The following ATXN1 variants were observed in gnomAD, a reference collection of about 807,000 sequenced individuals.
ATXN1 encodes the protein ataxin 1, also known as ataxin-1.
A neutral mutation model predicts 56.4 loss-of-function variants in ATXN1; 8 were observed. That is an observed-to-expected ratio of 0.14 (90% CI 0.08 to 0.26). The LOEUF is 0.26. Among genes scored for constraint, ATXN1 ranks in the 10% least tolerant of loss-of-function variants. ATXN1 has a pLI of 1.00. For missense variants in ATXN1, 987 were observed against 1,106.5 expected, an observed-to-expected ratio of 0.89 and a Z score of 1.53; for synonymous variants, 514 against 494.6, an observed-to-expected ratio of 1.04 and a Z score of -0.52.
intron 1 of ATXN1, 119 bp downstream of exon 1, chr6:16,761,179 G>A: frequency 2.7e-6 from 1 of 366,374 alleles, no homozygotes; most frequent in South Asian, 2.0e-5. Flanking sequence ...TTGTTTGCTG[G>A]TTGTTGCTTT....
intron 2 of ATXN1, among the ~76,000 whole-genome samples, chr6:16,731,697 T>G (rs1271307431): frequency 6.6e-6 from 1 of 152,026 alleles, no homozygotes; most frequent in East Asian, 1.9e-4. Flanking sequence ...CTCTGTATCA[T>G]GAAAAAGTAC....
rs1435104007 is a variant in ATXN1 at position 16,299,584 on chromosome 6, A to T, written c.*6745T>A. On this transcript the variant is annotated 3_prime_UTR_variant, in exon 8 of 8. Transcript: ENST00000436367. ...CCATGTCAGTCTGGTAGTGCCCTCA[A>T]CCCAAGTTCTGGTGTCTGTTTTCCC... The T allele has an allele frequency of 6.6e-6, 1 of 152,642 alleles. No homozygotes were observed. Among genetic ancestry groups the T allele is most frequent in the African/African-American group, 2.4e-5 (1 of 41,430 alleles). 9.5% of individuals were successfully genotyped at this position (152,642 alleles called of 1,614,324 possible).
intron 6 of ATXN1, among the ~76,000 whole-genome samples, chr6:16,340,877 T>G (rs980658917): frequency 5.9e-5 from 9 of 152,194 alleles, no homozygotes; most frequent in Non-Finnish European, 1.0e-4. Flanking sequence ...GGGATATATA[T>G]TACTCAGTGT....
intron 2 of ATXN1, among the ~76,000 whole-genome samples, chr6:16,711,910 G>GCAA (rs921002998): frequency 1.3e-5 from 2 of 152,160 alleles, no homozygotes; most frequent in Non-Finnish European, 2.9e-5. Context: ...GTTGCTACCT[G>GCAA]CAACAATACA....
chr6:16,560,194 G>A lies in ATXN1; in HGVS notation c.-361+25586C>T, dbSNP rs115941713. ...AATGGTCATCAGTTAGGGTTAGAAC[G>A]AAAACAGCTGTAAAAATGTCCTGAC... On this transcript the variant is annotated intron_variant, in intron 4 of 7. Transcript: ENST00000436367. 7.6e-3 allele frequency among the ~76,000 whole-genome samples: 1,158 copies of A among 152,170 alleles called. 12 individuals are homozygous for A. The highest frequency in any genetic ancestry group is 0.026 in the African/African-American group (1,093 of 41,502).
chr6:16,362,544 C>T (rs778320088), intron 6 of ATXN1, among the ~76,000 whole-genome samples: 23 of 152,130 alleles, frequency 1.5e-4, no homozygotes, highest in Non-Finnish European at 2.1e-4. Context: ...ACCCCCGCTC[C>T]GGAGTGAAAG....
At chr6:16,429,510 C>G (rs1347011021) in intron 6 of ATXN1, among the ~76,000 whole-genome samples, 1 of 151,236 alleles carries the variant, frequency 6.6e-6, no homozygotes, top group Non-Finnish European at 1.5e-5. Flanking sequence ...CTCCGCCTCC[C>G]AGGTTCAAGT....
intron 4 of ATXN1, among the ~76,000 whole-genome samples, chr6:16,550,215 G>A (rs974249343): frequency 1.3e-5 from 2 of 151,004 alleles, no homozygotes; most frequent in Non-Finnish European, 1.5e-5. Flanking sequence ...CTAGCAAGTG[G>A]TCACTGGTTT....
At chr6:16,609,431 A>G (rs1306325370) in intron 3 of ATXN1, among the ~76,000 whole-genome samples, 2 of 152,238 alleles carry the variant, frequency 1.3e-5, no homozygotes, top group Non-Finnish European at 2.9e-5. Flanking sequence ...GAAGTTCAGA[A>G]TGAGAACCAC....
chr6:16,696,728 T>A (rs1759173480), intron 2 of ATXN1, among the ~76,000 whole-genome samples: 1 of 152,102 alleles, frequency 6.6e-6, no homozygotes, highest in Admixed American at 6.5e-5. Context: ...TGGGAAAAAA[T>A]AAATTTCCTT....
At chr6:16,376,316 C>T (rs1561872401) in intron 6 of ATXN1, among the ~76,000 whole-genome samples, 2 of 152,150 alleles carry the variant, frequency 1.3e-5, no homozygotes, top group Non-Finnish European at 2.9e-5. Context: ...GGACTAAATC[C>T]TTTCTTTGTA....
chr6:16,605,413 G>A (rs1478477547), intron 3 of ATXN1, among the ~76,000 whole-genome samples: 2 of 152,132 alleles, frequency 1.3e-5, no homozygotes, highest in African/African-American at 4.8e-5. Flanking sequence ...GCAGAGCTGG[G>A]CTTATATAAC....
chr6:16,427,641 T>A (rs1435889916), intron 6 of ATXN1, among the ~76,000 whole-genome samples: 3 of 152,202 alleles, frequency 2.0e-5, no homozygotes, highest in African/African-American at 7.2e-5. Flanking sequence ...GGTTCCGTTT[T>A]CAAAGTGACC....
At chr6:16,466,046 G>A in intron 6 of ATXN1, among the ~76,000 whole-genome samples, 1 of 152,212 alleles carries the variant, frequency 6.6e-6, no homozygotes, top group East Asian at 1.9e-4. Context: ...GCCAGGCGCG[G>A]TGGCTCATGC....
At chr6:16,374,375 C>T (rs192466003) in intron 6 of ATXN1, among the ~76,000 whole-genome samples, 1 of 152,306 alleles carries the variant, frequency 6.6e-6, no homozygotes, top group East Asian at 1.9e-4. Flanking sequence ...GATCTGGTTT[C>T]CCACAACTGA....
intron 6 of ATXN1, among the ~76,000 whole-genome samples, chr6:16,400,600 C>A (rs1454686661): frequency 6.6e-6 from 1 of 152,198 alleles, no homozygotes; most frequent in Non-Finnish European, 1.5e-5. Flanking sequence ...GGTTCCTGAA[C>A]CTTTTCTACA....
In ATXN1 at chr6:16,753,233, C is replaced by A. The variant is rs1190943292; in HGVS notation, c.-615G>T. ...ACAGAGAGCATCGCAAAACTCTCACCTGACATGTGATGCACTTCCCTGTAG... is the reference window on the plus strand; with the variant it reads ...ACAGAGAGCATCGCAAAACTCTCACATGACATGTGATGCACTTCCCTGTAG... On this transcript the variant is annotated splice_region_variant and 5_prime_UTR_variant, in exon 2 of 8. Coordinates refer to ENST00000436367, the MANE Select transcript of ATXN1 (RefSeq NM_001128164.2). 2.2e-6 allele frequency: 1 copy of A among 456,646 alleles called. No individual in the cohort carries two copies. Among genetic ancestry groups the A allele is most frequent in the Non-Finnish European group, 4.4e-6 (1 of 226,980 alleles). 28.3% of individuals were successfully genotyped at this position (456,646 alleles called of 1,614,324 possible). A position where few individuals can be genotyped will look rare whatever the true frequency, so the allele number is the denominator to read the frequency against.
At chr6:16,672,806 G>A (rs1758572862) in intron 2 of ATXN1, among the ~76,000 whole-genome samples, 2 of 152,108 alleles carry the variant, frequency 1.3e-5, no homozygotes, top group Non-Finnish European at 2.9e-5. Flanking sequence ...GATCGCCTGA[G>A]GTCGAGAGTT....
chr6:16,674,723 A>G (rs1484969087), intron 2 of ATXN1, among the ~76,000 whole-genome samples: 1 of 152,016 alleles, frequency 6.6e-6, no homozygotes, highest in Non-Finnish European at 1.5e-5. Flanking sequence ...AATCCTTTCA[A>G]TCAGAAGGTT....
Sources: gnomAD v4.1 joint callset for allele counts (sites outside exome capture counted in the v4.1 genomes callset) on GRCh38, gnomAD v4.1.1 for gene constraint, MANE v1.5 for transcripts, NCBI Gene and HGNC (gene_info 2026-07-23, HGNC 2026-07-21) for gene names.